SORCS3: variants seen among roughly 807,000 people sequenced by gnomAD.
SORCS3 encodes the protein sortilin related VPS10 domain containing receptor 3, also known as VPS10 domain-containing receptor SorCS3.
A neutral mutation model predicts 146.3 loss-of-function variants in SORCS3; 57 were observed. The ratio of observed to expected loss-of-function variants is 0.39; its 90% CI spans 0.31 to 0.49. The LOEUF is 0.49. Ranked by LOEUF, SORCS3 falls within the 20% of genes least tolerant of loss-of-function variation. SORCS3 has a pLI of 0.92. For synonymous variants in SORCS3, 653 were observed against 618.5 expected, an observed-to-expected ratio of 1.06 and a Z score of -0.83; for missense variants, 1,341 against 1,575.5, an observed-to-expected ratio of 0.85 and a Z score of 2.52.
intron 1 of SORCS3, among the ~76,000 whole-genome samples, chr10:104,768,687 C>A (rs1383318910): frequency 1.3e-5 from 2 of 152,318 alleles, no homozygotes; most frequent in East Asian, 3.9e-4. Context: ...TCAGCTTCTG[C>A]TGATGGAGAA....
intron 3 of SORCS3, among the ~76,000 whole-genome samples, chr10:104,947,893 G>A (rs1011700627): frequency 6.6e-6 from 1 of 152,166 alleles, no homozygotes; most frequent in Non-Finnish European, 1.5e-5. Flanking sequence ...GGGATTATAG[G>A]TGTGAGCCAC....
chr10:105,109,003 T>G (rs2055841402), intron 7 of SORCS3, among the ~76,000 whole-genome samples: 1 of 152,216 alleles, frequency 6.6e-6, no homozygotes, highest in African/African-American at 2.4e-5. Flanking sequence ...ACTCCCATTA[T>G]ATGGTCTGTT....
chr10:105,150,910 G>A (rs552630198), intron 9 of SORCS3, among the ~76,000 whole-genome samples: 32 of 152,290 alleles, frequency 2.1e-4, no homozygotes, highest in African/African-American at 7.2e-4. Flanking sequence ...TTAGCAAAGA[G>A]ACTACAACTT....
At chr10:104,668,714 G>A (rs2015814769) in intron 1 of SORCS3, among the ~76,000 whole-genome samples, 1 of 152,100 alleles carries the variant, frequency 6.6e-6, no homozygotes, top group African/African-American at 2.4e-5. Flanking sequence ...TTGAACTATA[G>A]CACAGATCAT....
chr10:105,241,901 G>T (rs907837828), intron 20 of SORCS3, among the ~76,000 whole-genome samples: 1 of 152,092 alleles, frequency 6.6e-6, no homozygotes, highest in African/African-American at 2.4e-5. Context: ...ACTAGGAAAG[G>T]GTAGGTATAT....
chr10:105,200,243 G>A (rs2056566708), intron 15 of SORCS3, 127 bp downstream of exon 15: 2 of 709,340 alleles, frequency 2.8e-6, no homozygotes, highest in Non-Finnish European at 4.8e-6. Flanking sequence ...ATGTGGGTGT[G>A]GATTTGGAGA....
intron 7 of SORCS3, among the ~76,000 whole-genome samples, chr10:105,112,556 T>C (rs758590076): frequency 9.9e-5 from 15 of 152,140 alleles, no homozygotes; most frequent in Non-Finnish European, 2.1e-4. Flanking sequence ...ATGAGCACAG[T>C]ATCAGGGCAT....
chr10:104,976,297 A>G (rs545666971), intron 3 of SORCS3, among the ~76,000 whole-genome samples: 1,534 of 152,342 alleles, frequency 0.01, 24 homozygotes, highest in African/African-American at 0.036. Flanking sequence ...GCAGCCAAAA[A>G]ACACATGAAA....
chr10:104,682,478 C>T (rs1233346000), intron 1 of SORCS3, among the ~76,000 whole-genome samples: 1 of 152,186 alleles, frequency 6.6e-6, no homozygotes, highest in Non-Finnish European at 1.5e-5. Context: ...CTGAATAAGG[C>T]CTGAACCTTA....
At chr10:104,926,709 G>A (rs1444020635) in intron 3 of SORCS3, among the ~76,000 whole-genome samples, 1 of 152,232 alleles carries the variant, frequency 6.6e-6, no homozygotes, top group Non-Finnish European at 1.5e-5. Context: ...AAAGGAAAAA[G>A]AATCTAGAGT....
intron 11 of SORCS3, among the ~76,000 whole-genome samples, chr10:105,159,329 T>G (rs758649706): frequency 1.3e-5 from 2 of 152,198 alleles, no homozygotes; most frequent in African/African-American, 2.4e-5. Context: ...ATATATGAAC[T>G]TCCTAGCTCA....
At chr10:105,162,395 C>T (rs2056272779) in intron 11 of SORCS3, among the ~76,000 whole-genome samples, 1 of 152,158 alleles carries the variant, frequency 6.6e-6, no homozygotes, top group East Asian at 1.9e-4. Context: ...TTGGCAGCCA[C>T]TCTAGCTGAG....
intron 20 of SORCS3, among the ~76,000 whole-genome samples, chr10:105,225,789 T>C (rs745807150): frequency 6.6e-6 from 1 of 152,072 alleles, no homozygotes; most frequent in Non-Finnish European, 1.5e-5. Context: ...ATGGATCTTG[T>C]ACACATTTTG....
At chr10:105,185,470 T>C (rs2056469261) in intron 14 of SORCS3, among the ~76,000 whole-genome samples, 1 of 152,170 alleles carries the variant, frequency 6.6e-6, no homozygotes, top group Non-Finnish European at 1.5e-5. Flanking sequence ...ACATGTCCTC[T>C]CCGGCTGTCC....
intron 20 of SORCS3, among the ~76,000 whole-genome samples, chr10:105,233,086 TTC>T (rs2056774067): frequency 1.3e-5 from 2 of 152,086 alleles, no homozygotes; most frequent in Non-Finnish European, 2.9e-5. Context: ...TTGATTTTAT[TTC>T]TTTTTTTGTA....
rs7086314 is a variant in SORCS3, at chr10:104,957,075, C to T, written c.796-20260C>T. Among the ~76,000 whole-genome samples the T allele has an allele frequency of 4.0e-3, 616 of 152,226 alleles. 4 individuals carry two copies. The highest frequency in any genetic ancestry group is 0.014 in the African/African-American group (564 of 41,548). ...GGTGCATGGACATTCATTGGGTGAT[C>T]CTTCTCAGGTACATCATTCAGGACA... On this transcript the variant is annotated intron_variant, in intron 3 of 26. Transcript: ENST00000369701.
intron 1 of SORCS3, among the ~76,000 whole-genome samples, chr10:104,737,746 G>T (rs1274966585): frequency 4.6e-5 from 7 of 151,738 alleles, no homozygotes; most frequent in Non-Finnish European, 1.0e-4. Flanking sequence ...TCTGATGGTA[G>T]TTTCTTTTGC....
chr10:104,997,457 C>G (rs2055033909), intron 4 of SORCS3, among the ~76,000 whole-genome samples: 1 of 152,132 alleles, frequency 6.6e-6, no homozygotes, highest in South Asian at 2.1e-4. Context: ...ATAATCTGAT[C>G]CCATCTAGGA....
At chr10:104,667,078 G>A (rs2015788488) in intron 1 of SORCS3, among the ~76,000 whole-genome samples, 1 of 152,144 alleles carries the variant, frequency 6.6e-6, no homozygotes, top group South Asian at 2.1e-4. Flanking sequence ...AGTTAAAATT[G>A]TGGTAGGTGT....
Sources: allele counts gnomAD v4.1 joint callset (sites outside exome capture counted in the v4.1 genomes callset), GRCh38; gene constraint gnomAD v4.1.1; transcripts MANE v1.5; gene names NCBI Gene and HGNC (gene_info 2026-07-23, HGNC 2026-07-21).